The following SLC5A4 variants were observed in gnomAD, a reference collection of about 807,000 sequenced individuals.
The protein encoded by SLC5A4 is solute carrier family 5 member 4, also known as probable glucose sensor protein SLC5A4.
Under a neutral mutation model 70.3 loss-of-function variants are expected in SLC5A4, and 55 were observed. That is an observed-to-expected ratio of 0.78 (90% CI 0.63 to 0.98). The LOEUF is 0.98. SLC5A4 is among the 50% of genes least tolerant of loss of function. SLC5A4 has a pLI of 0.00. For synonymous variants in SLC5A4, 268 were observed against 305.7 expected, an observed-to-expected ratio of 0.88 and a Z score of 1.29; for missense variants, 735 against 839.2, an observed-to-expected ratio of 0.88 and a Z score of 1.53.
the SLC5A4 span, chr22:32,269,903 C>T: frequency 1.4e-4 from 75 of 551,072 alleles, no homozygotes; most frequent in Non-Finnish European, 2.3e-4. The surrounding 1 kb of genome is among the most constrained non-coding windows in gnomAD (Gnocchi z 4.1). Flanking sequence ...TTTGACAAGG[C>T]GGCCACCAGC....
intron 5 of SLC5A4, among the ~76,000 whole-genome samples, chr22:32,244,883 C>T (rs1926731890): frequency 6.6e-6 from 1 of 152,120 alleles, no homozygotes; most frequent in Non-Finnish European, 1.5e-5. Context: ...TAAAATTTAC[C>T]ATTTTAACCA....
At chr22:32,260,571 C>G in the SLC5A4 span, among the ~76,000 whole-genome samples, 2 of 151,074 alleles carry the variant, frequency 1.3e-5, no homozygotes, top group African/African-American at 4.9e-5. Flanking sequence ...CTAGGATAGA[C>G]AGGGAAAGAA....
At chr22:32,320,048 G>C in the SLC5A4 span, among the ~76,000 whole-genome samples, 1 of 152,196 alleles carries the variant, frequency 6.6e-6, no homozygotes, top group Admixed American at 6.5e-5. Flanking sequence ...CGGGAAGGGA[G>C]AATCTAAACA....
Position 32,239,564 on chromosome 22 carries a change from AT to A in SLC5A4, c.478-475del, listed in dbSNP as rs1344035865. Among the ~76,000 whole-genome samples, 174 of 20,092 alleles carry A rather than the reference AT, an allele frequency of 8.7e-3. 9 individuals are homozygous for A. Among genetic ancestry groups the A allele is most frequent in the Middle Eastern group, 0.014 (1 of 74 alleles). The allele number at this position is 20,092 out of a possible 152,430, so 13.2% of individuals were successfully genotyped here. On this transcript the variant is annotated intron_variant, in intron 5 of 14. Coordinates refer to ENST00000266086, the MANE Select transcript of SLC5A4 (RefSeq NM_014227.3). The stretch of plus-strand genomic sequence containing the variant: ...TATATATATATATATATATATATAT[AT>A]ATATTTATATATATATTTATATATA...
chr22:32,224,243 A>C, intron 13 of SLC5A4, 24 bp downstream of exon 13: 1 of 1,542,302 alleles, frequency 6.5e-7, no homozygotes, highest in South Asian at 1.1e-5. Flanking sequence ...TAAAATTAGC[A>C]TGTATTCATT....
chr22:32,237,759 G>A (rs1926148062), intron 6 of SLC5A4, among the ~76,000 whole-genome samples: 1 of 151,972 alleles, frequency 6.6e-6, no homozygotes, highest in Admixed American at 6.6e-5. Context: ...ACTGTGTTTT[G>A]TGTTTTGCTG....
At chr22:32,260,534 A>C in the SLC5A4 span, among the ~76,000 whole-genome samples, 4 of 151,880 alleles carry the variant, frequency 2.6e-5, no homozygotes, top group African/African-American at 7.3e-5. Context: ...AACCAAAAAC[A>C]AAAACAAAAA....
chr22:32,337,490 C>A, the SLC5A4 span, among the ~76,000 whole-genome samples: 1 of 151,904 alleles, frequency 6.6e-6, no homozygotes, highest in Non-Finnish European at 1.5e-5. Flanking sequence ...GCTGAGATCG[C>A]ACCACGGCAC....
Position 32,219,549 on chromosome 22 carries a change from T to C in SLC5A4, c.1769-824A>G, listed in dbSNP as rs531900376. 1.0e-4 allele frequency among the ~76,000 whole-genome samples: 14 copies of C among 135,036 alleles called. No individual in the cohort carries two copies. The South Asian group carries it at 3.2e-3, about 31-fold the overall frequency. The allele number at this position is 135,036 out of a possible 152,430, so 88.6% of individuals were successfully genotyped here. ...AGGGAAATGTATATGGTCTTATTTATGTAGAAAAGAGAAAGAAAAATCAAA... is the reference window on the plus strand; with the variant it reads ...AGGGAAATGTATATGGTCTTATTTACGTAGAAAAGAGAAAGAAAAATCAAA... On this transcript the variant is annotated intron_variant, in intron 14 of 14. Transcript: ENST00000266086.
chr22:32,353,654 C>A, the SLC5A4 span, among the ~76,000 whole-genome samples: 1 of 151,930 alleles, frequency 6.6e-6, no homozygotes, highest in Non-Finnish European at 1.5e-5. Flanking sequence ...CAACACCTCA[C>A]CCCCAACCAC....
chr22:32,290,953 C>T, the SLC5A4 span, among the ~76,000 whole-genome samples: 1 of 152,096 alleles, frequency 6.6e-6, no homozygotes, highest in Non-Finnish European at 1.5e-5. Context: ...GGAAAACATA[C>T]ATTTGAACCA....
the SLC5A4 span, among the ~76,000 whole-genome samples, chr22:32,287,799 A>C: frequency 6.6e-6 from 1 of 150,652 alleles, no homozygotes; most frequent in Non-Finnish European, 1.5e-5. Context: ...AGAATATTTC[A>C]AAATTGTTAC....
intron 5 of SLC5A4, among the ~76,000 whole-genome samples, chr22:32,243,536 G>C (rs80272111): frequency 0.012 from 1,814 of 152,242 alleles, 14 homozygotes; most frequent in South Asian, 0.023. Context: ...CTGCTCCTAG[G>C]AATAACAATA....
the SLC5A4 span, among the ~76,000 whole-genome samples, chr22:32,299,809 ATGG>A: frequency 8.2e-4 from 104 of 126,636 alleles, 2 homozygotes; most frequent in South Asian, 0.026. Context: ...GTCTTTGATG[ATGG>A]TGATGTACAG....
At chr22:32,249,365 A>G (rs945310077) in intron 3 of SLC5A4, among the ~76,000 whole-genome samples, 3 of 152,208 alleles carry the variant, frequency 2.0e-5, no homozygotes, top group African/African-American at 7.2e-5. Flanking sequence ...CCAAGGTCAC[A>G]GTGACAGGGG....
the SLC5A4 span, among the ~76,000 whole-genome samples, chr22:32,333,929 CAT>C: frequency 0.22 from 32,905 of 150,910 alleles, 3,752 homozygotes; most frequent in Non-Finnish European, 0.26. Context: ...ACAACATACA[CAT>C]AGACACACGT....
chr22:32,297,535 C>T, the SLC5A4 span, among the ~76,000 whole-genome samples: 1 of 77,784 alleles, frequency 1.3e-5, no homozygotes, highest in Non-Finnish European at 2.6e-5. Context: ...CTATTTGATT[C>T]TTCTCTCTTT....
chr22:32,223,406 G>A (rs1925202100), intron 13 of SLC5A4, among the ~76,000 whole-genome samples: 1 of 152,158 alleles, frequency 6.6e-6, no homozygotes. Flanking sequence ...CTCTCCAACA[G>A]TTTTGGACTG....
chr22:32,350,561 G>T, the SLC5A4 span, among the ~76,000 whole-genome samples: 1 of 152,064 alleles, frequency 6.6e-6, no homozygotes. Flanking sequence ...TTAGTCTGTA[G>T]AAACATTAAT....
Sources: allele counts gnomAD v4.1 joint callset (sites outside exome capture counted in the v4.1 genomes callset), GRCh38; gene constraint gnomAD v4.1.1; non-coding constraint Gnocchi (gnomAD v3.1); transcripts MANE v1.5; gene names NCBI Gene and HGNC (gene_info 2026-07-23, HGNC 2026-07-21).